The following ANAPC4 variants were observed in gnomAD, a reference collection of about 807,000 sequenced individuals.
ANAPC4 encodes the protein anaphase promoting complex subunit 4.
Under a neutral mutation model 119.8 loss-of-function variants are expected in ANAPC4, and 63 were observed. The ratio of observed to expected loss-of-function variants is 0.53; its 90% CI spans 0.43 to 0.65. The LOEUF (loss-of-function observed/expected upper bound fraction) is 0.65, where lower values mean the gene tolerates loss of function less well. Among genes scored for constraint, ANAPC4 ranks in the 30% least tolerant of loss-of-function variants. ANAPC4 has a pLI of 0.00. For missense variants in ANAPC4, 716 were observed against 945.1 expected, an observed-to-expected ratio of 0.76 and a Z score of 3.18; for synonymous variants, 283 against 318.6, an observed-to-expected ratio of 0.89 and a Z score of 1.19.
In ANAPC4 at chr4:25,390,784, A is replaced by C. The variant is rs1363168339; in HGVS notation, c.601-127A>C. 4.5e-6 allele frequency: 3 copies of C among 662,786 alleles called. No individual in the cohort carries two copies. The East Asian group carries it at 8.3e-5, about 18-fold the overall frequency. 41.1% of individuals were successfully genotyped at this position (662,786 alleles called of 1,614,324 possible). A position where few individuals can be genotyped will look rare whatever the true frequency, so the allele number is the denominator to read the frequency against. ...GCAGACACCTACCTTCATCTGCTACATGTGTGTGGCTGGAGCTGGGAATTT... is the reference window on the plus strand; with the variant it reads ...GCAGACACCTACCTTCATCTGCTACCTGTGTGTGGCTGGAGCTGGGAATTT... On this transcript the variant is annotated intron_variant, in intron 8 of 28. Transcript: ENST00000315368.
intron 9 of ANAPC4, 70 bp from the exon 10 acceptor site, chr4:25,392,268 A>G: frequency 9.0e-7 from 1 of 1,114,010 alleles, no homozygotes; most frequent in Non-Finnish European, 1.4e-6. Flanking sequence ...AGTTTGACCC[A>G]CACTCTAAAT....
intron 22 of ANAPC4, 188 bp downstream of exon 22, chr4:25,413,930 CGTGT>C (rs72141989): frequency 0.015 from 7,511 of 508,564 alleles, 384 homozygotes; most frequent in African/African-American, 0.12. Flanking sequence ...TTCTTACACA[CGTGT>C]GTGTGTGTGT....
chr4:25,382,839 G>T (rs886859982), intron 3 of ANAPC4, among the ~76,000 whole-genome samples: 24 of 152,146 alleles, frequency 1.6e-4, no homozygotes, highest in Non-Finnish European at 2.9e-5. Flanking sequence ...TCCCACCATC[G>T]TTTAGAAACA....
intron 4 of ANAPC4, among the ~76,000 whole-genome samples, chr4:25,387,784 C>T (rs951480999): frequency 7.9e-5 from 12 of 151,876 alleles, no homozygotes; most frequent in African/African-American, 2.9e-4. Context: ...GGTGTAGTCT[C>T]AAATACCTGT....
At chr4:25,381,725 G>A (rs1208250924) in intron 3 of ANAPC4, among the ~76,000 whole-genome samples, 2 of 152,032 alleles carry the variant, frequency 1.3e-5, no homozygotes, top group African/African-American at 2.4e-5. Flanking sequence ...TGAGGTAGGT[G>A]AATCATGAGG....
At chr4:25,397,099 T>C (rs1489754868) in intron 16 of ANAPC4, among the ~76,000 whole-genome samples, 200 bp downstream of exon 16, 2 of 152,234 alleles carry the variant, frequency 1.3e-5, no homozygotes, top group African/African-American at 4.8e-5. Context: ...TGGTCATCCT[T>C]ACCTCAGGTC....
Position 25,414,361 on chromosome 4 carries a change from T to G in ANAPC4, c.1661T>G (p.Ile554Ser). ...AAATCGATGAATCAAGCAATCTGTA[T>G]TCCATTGTATAGAGATACCAGAAGG... Reference protein sequence around the residue: ...IGKSMNQAICIPLYRDTRSED... With the variant: ...IGKSMNQAICSPLYRDTRSED... The change falls in exon 23 of 29, where the codon ATT (isoleucine) becomes AGT (serine). Residue 554 changes from isoleucine (I) to serine (S), a missense_variant. Ile to Ser is a moderately radical substitution (Grantham distance 142). Coordinates refer to ENST00000315368, the MANE Select transcript of ANAPC4 (RefSeq NM_013367.3). The G allele has an allele frequency of 1.9e-6, 3 of 1,601,816 alleles. No individual in the cohort carries two copies. The highest frequency in any genetic ancestry group is 2.6e-6 in the Non-Finnish European group (3 of 1,171,764).
chr4:25,406,141 G>A (rs1341914785), intron 18 of ANAPC4, among the ~76,000 whole-genome samples: 1 of 152,144 alleles, frequency 6.6e-6, no homozygotes, highest in African/African-American at 2.4e-5. Context: ...CTGTTGATAG[G>A]TTAGGTAGTT....
chr4:25,415,324 TATCTAGGCATTTA>T, intron 25 of ANAPC4, 129 bp from the exon 26 acceptor site: 1 of 527,606 alleles, frequency 1.9e-6, no homozygotes, highest in Non-Finnish European at 3.3e-6. Context: ...TTGGTTTATC[TATCTAGGCATTTA>T]AACAAGTTCT....
intron 14 of ANAPC4, 44 bp from the exon 15 acceptor site, chr4:25,396,620 G>C: frequency 7.2e-7 from 1 of 1,396,488 alleles, no homozygotes; most frequent in East Asian, 2.3e-5. Context: ...TTAGTCACTT[G>C]ATGATCGTCA....
intron 21 of ANAPC4, 117 bp downstream of exon 21, chr4:25,409,908 G>A: frequency 1.5e-6 from 1 of 654,898 alleles, no homozygotes; most frequent in Non-Finnish European, 2.7e-6. Flanking sequence ...AAGTTTATTA[G>A]ACTTATATTT....
chr4:25,393,642 A>G (rs1271251455), intron 10 of ANAPC4, among the ~76,000 whole-genome samples, 163 bp from the exon 11 acceptor site: 1 of 152,236 alleles, frequency 6.6e-6, no homozygotes, highest in Non-Finnish European at 1.5e-5. Context: ...AGCCTGGACG[A>G]CAGAGCAAGA....
In ANAPC4 at chr4:25,391,244, G is replaced by T. The variant is rs952642604; in HGVS notation, c.705+229G>T. 7.9e-5 allele frequency among the ~76,000 whole-genome samples: 12 copies of T among 152,152 alleles called. No homozygotes were observed. In the South Asian group the frequency reaches 2.5e-3, roughly 32 times the overall value. ...AAAAGTGTTTTGGTGGTCTATTAATGACCATATTAATTTGTTGCTATTCCA... is the reference window on the plus strand; with the variant it reads ...AAAAGTGTTTTGGTGGTCTATTAATTACCATATTAATTTGTTGCTATTCCA... On this transcript the variant is annotated intron_variant, in intron 9 of 28. Coordinates refer to ENST00000315368, the MANE Select transcript of ANAPC4 (RefSeq NM_013367.3).
rs966069730 is a variant in ANAPC4 at position 25,405,517 on chromosome 4, T to C, written c.1271-56T>C. On this transcript the variant is annotated intron_variant, in intron 17 of 28. Coordinates refer to ENST00000315368, the MANE Select transcript of ANAPC4 (RefSeq NM_013367.3). This position sits in a 1 kb window ranked among gnomAD's most constrained non-coding sequence, Gnocchi z 4.6. ...CTTGTCTTTGAAATGTATTTATAAT[T>C]AAAATTATGTTTGTAGTTTGCTTTT... is the stretch of plus-strand genomic sequence containing the variant. The C allele has an allele frequency of 4.1e-6, 6 of 1,474,824 alleles. No individual in the cohort carries two copies. The African/African-American group carries it at 8.3e-5, about 20-fold the overall frequency. The allele number at this position is 1,474,824 out of a possible 1,614,324, so 91.4% of individuals were successfully genotyped here.
chr4:25,393,628 C>G (rs1722476735), intron 10 of ANAPC4, among the ~76,000 whole-genome samples, 177 bp from the exon 11 acceptor site: 1 of 152,200 alleles, frequency 6.6e-6, no homozygotes, highest in Non-Finnish European at 1.5e-5. Context: ...CGTCACTGCA[C>G]TCCAGCCTGG....
At chr4:25,398,737 G>A (rs1722789608) in intron 16 of ANAPC4, among the ~76,000 whole-genome samples, 1 of 152,020 alleles carries the variant, frequency 6.6e-6, no homozygotes, top group Admixed American at 6.6e-5. Context: ...AGAGAGAAAT[G>A]GTGGTCAGAA....
At chr4:25,411,138 A>G (rs1254512353) in intron 21 of ANAPC4, among the ~76,000 whole-genome samples, 2 of 152,196 alleles carry the variant, frequency 1.3e-5, no homozygotes, top group Non-Finnish European at 2.9e-5. Flanking sequence ...AAGGAGATGC[A>G]TTGGTGCAAG....
chr4:25,384,937 G>A (rs10027814), intron 4 of ANAPC4, among the ~76,000 whole-genome samples: 65,843 of 152,134 alleles, frequency 0.43, 15,847 homozygotes, highest in Non-Finnish European at 0.53. Flanking sequence ...AGTCATGAAT[G>A]AGCAATAATA....
intron 25 of ANAPC4, 133 bp from the exon 26 acceptor site, chr4:25,415,333 A>T: frequency 1.7e-6 from 1 of 604,638 alleles, no homozygotes. Flanking sequence ...CTATCTAGGC[A>T]TTTAAACAAG....
Sources: gnomAD v4.1 joint callset for allele counts (sites outside exome capture counted in the v4.1 genomes callset) on GRCh38, gnomAD v4.1.1 for gene constraint, Gnocchi (gnomAD v3.1) non-coding constraint, MANE v1.5 for transcripts, NCBI Gene and HGNC (gene_info 2026-07-23, HGNC 2026-07-21) for gene names.